The following ZFP14 variants were observed in gnomAD, a reference collection of about 807,000 sequenced individuals.
ZFP14 encodes the protein zinc finger protein 14 homolog.
A neutral mutation model predicts 54.5 loss-of-function variants in ZFP14; 22 were observed. The ratio of observed to expected loss-of-function variants is 0.40; its 90% CI spans 0.29 to 0.58. The LOEUF (loss-of-function observed/expected upper bound fraction) is 0.58. Ranked by LOEUF, ZFP14 falls within the 20% of genes least tolerant of loss-of-function variation. ZFP14 has a pLI of 0.39. For missense variants in ZFP14, 470 were observed against 637.8 expected (o/e 0.74, Z 2.83); for synonymous variants, 159 against 204.0 (o/e 0.78, Z 1.88).
rs142828298 is a variant in ZFP14, at chr19:36,369,753, G to A, written c.-79-1782C>T. ...TTCAACTCAGGTATTTGTCTCTGAA[G>A]CAAGGATTTCTACTTCACCAGGAGA... On this transcript the variant is annotated intron_variant, in intron 1 of 4. Coordinates refer to ENST00000270001, the MANE Select transcript of ZFP14 (RefSeq NM_020917.3). 5.3e-5 allele frequency among the ~76,000 whole-genome samples: 8 copies of A among 152,192 alleles called. No homozygotes were observed. In the East Asian group the frequency reaches 1.5e-3, roughly 29 times the overall value.
In ZFP14 at chr19:36,360,530, G is replaced by T; in HGVS notation, c.140C>A (p.Pro47His). 1 of 1,608,912 alleles carries T rather than the reference G, an allele frequency of 6.2e-7. No individual in the cohort carries two copies. Among genetic ancestry groups the T allele is most frequent in the Non-Finnish European group, 8.5e-7 (1 of 1,178,058 alleles). Residue 47 changes from proline to histidine, a missense_variant, in exon 4 of 5, where the codon CCT becomes CAT. By Grantham distance (77) the Pro-to-His change is moderately conservative (BLOSUM62 -2). Coordinates refer to ENST00000270001, the MANE Select transcript of ZFP14 (RefSeq NM_020917.3). ...ENYSNFISLG[P>H]SISKPDVITL... Reference sequence around the variant, plus strand: ...AATCACATCTGGTTTAGAAATGGAAGGTCCTGCTTAAAAGAAAAATGTGAC... The same window carrying T: ...AATCACATCTGGTTTAGAAATGGAATGTCCTGCTTAAAAGAAAAATGTGAC...
chr19:36,367,663 C>T (rs2031815126), intron 2 of ZFP14, among the ~76,000 whole-genome samples: 1 of 152,080 alleles, frequency 6.6e-6, no homozygotes, highest in African/African-American at 2.4e-5. Flanking sequence ...AGGGTTTCAC[C>T]ATGTTGGCCA....
intron 1 of ZFP14, among the ~76,000 whole-genome samples, chr19:36,377,444 G>A (rs1271570852): frequency 2.0e-5 from 3 of 151,904 alleles, no homozygotes; most frequent in African/African-American, 4.8e-5. Flanking sequence ...CTACTCAAGA[G>A]GCTGAGGTGG....
chr19:36,359,176 T>TA (rs1252292972), intron 4 of ZFP14, among the ~76,000 whole-genome samples: 1 of 152,182 alleles, frequency 6.6e-6, no homozygotes, highest in Non-Finnish European at 1.5e-5. Context: ...ACAATGATCA[T>TA]ACGGTCTTTC....
chr19:36,335,126 G>A lies in ZFP14; in HGVS notation c.*5098C>T, dbSNP rs1442923679. ...TGACCTCAAGTGATCTGCTCGCCTT[G>A]GCCTCCCAAAATGTTGGGATTACAG... On this transcript the variant is annotated 3_prime_UTR_variant, in exon 5 of 5. Transcript: ENST00000270001. 6.6e-6 allele frequency: 1 copy of A among 152,192 alleles called. No individual in the cohort carries two copies. Among genetic ancestry groups the A allele is most frequent in the African/African-American group, 2.4e-5 (1 of 41,438 alleles). The allele number at this position is 152,192 out of a possible 1,614,324, so 9.4% of individuals were successfully genotyped here.
chr19:36,343,755 C>T (rs2031364824), intron 4 of ZFP14, among the ~76,000 whole-genome samples: 2 of 152,162 alleles, frequency 1.3e-5, no homozygotes, highest in South Asian at 4.1e-4. Context: ...CTGGTGACAA[C>T]CCTGCAGAGT....
At chr19:36,356,345 A>AT in intron 4 of ZFP14, among the ~76,000 whole-genome samples, 1 of 151,944 alleles carries the variant, frequency 6.6e-6, no homozygotes, top group Middle Eastern at 3.4e-3. Context: ...GGAGAATCGC[A>AT]TAAACCTGGG....
chr19:36,367,546 T>C (rs1407392970), intron 2 of ZFP14, among the ~76,000 whole-genome samples: 1 of 152,048 alleles, frequency 6.6e-6, no homozygotes, highest in Non-Finnish European at 1.5e-5. Flanking sequence ...AGTAACGCAA[T>C]CTCGGCTCAC....
chr19:36,361,858 G>A (rs994608254), intron 3 of ZFP14, among the ~76,000 whole-genome samples: 1 of 152,096 alleles, frequency 6.6e-6, no homozygotes, highest in Non-Finnish European at 1.5e-5. Flanking sequence ...GTGAAGTCTG[G>A]TTTCTTGAAC....
intron 4 of ZFP14, among the ~76,000 whole-genome samples, chr19:36,356,801 G>A (rs1401825011): frequency 6.6e-6 from 1 of 152,124 alleles, no homozygotes; most frequent in Admixed American, 6.6e-5. Context: ...GTTGTTGCAT[G>A]TATCAAGAGT....
intron 4 of ZFP14, among the ~76,000 whole-genome samples, chr19:36,347,600 C>T (rs2031441024): frequency 7.1e-6 from 1 of 140,124 alleles, no homozygotes; most frequent in Non-Finnish European, 1.5e-5. Flanking sequence ...CAGAGTGAGG[C>T]TCCATCTCAA....
intron 4 of ZFP14, among the ~76,000 whole-genome samples, chr19:36,356,170 C>T (rs1221262944): frequency 2.0e-5 from 2 of 100,544 alleles, no homozygotes; most frequent in Non-Finnish European, 4.6e-5. Flanking sequence ...CGCAGTAGCT[C>T]ATGCCTCTAA....
intron 4 of ZFP14, among the ~76,000 whole-genome samples, chr19:36,347,208 A>C (rs1185520518): frequency 6.6e-6 from 1 of 152,230 alleles, no homozygotes; most frequent in Non-Finnish European, 1.5e-5. Flanking sequence ...GTGAAGTTGT[A>C]GAAATAATAT....
At position 36,379,200 on chromosome 19, in the gene ZFP14, C is replaced by T. The variant is rs1346005831; in HGVS notation, c.-117G>A. On this transcript the variant is annotated 5_prime_UTR_variant, in exon 1 of 5. Coordinates refer to ENST00000270001, the MANE Select transcript of ZFP14 (RefSeq NM_020917.3). ...ACACCAGCAGCGAAGCCGGAAAGAA[C>T]TGCGAGCGGAGGCCTGTGGGAAATG... is the stretch of plus-strand genomic sequence containing the variant. The T allele has an allele frequency of 6.6e-6, 1 of 152,364 alleles. No homozygotes were observed. The highest frequency in any genetic ancestry group is 1.5e-5 in the Non-Finnish European group (1 of 68,202). The allele number at this position is 152,364 out of a possible 1,614,324, so 9.4% of individuals were successfully genotyped here.
chr19:36,373,038 G>C (rs1175886955), intron 1 of ZFP14, among the ~76,000 whole-genome samples: 1 of 152,138 alleles, frequency 6.6e-6, no homozygotes, highest in African/African-American at 2.4e-5. Context: ...AGCACTTTGG[G>C]AGGCCGAGGC....
Position 36,338,388 on chromosome 19 carries a change from C to G in ZFP14, c.*1836G>C, listed in dbSNP as rs182464362. Reference sequence around the variant, plus strand: ...AATTTTTCCTCTGATTTATTGATTTCAAGAATAATGAGTTGGGCTGGGTGT... The same window carrying G: ...AATTTTTCCTCTGATTTATTGATTTGAAGAATAATGAGTTGGGCTGGGTGT... On this transcript the variant is annotated 3_prime_UTR_variant, in exon 5 of 5. Coordinates refer to ENST00000270001, the MANE Select transcript of ZFP14 (RefSeq NM_020917.3). 4.0e-4 allele frequency: 61 copies of G among 152,070 alleles called. No homozygotes were observed. The highest frequency in any genetic ancestry group is 1.4e-3 in the African/African-American group (57 of 41,492). 9.4% of individuals were successfully genotyped at this position (152,070 alleles called of 1,614,324 possible). A position where few individuals can be genotyped will look rare whatever the true frequency, so the allele number is the denominator to read the frequency against.
intron 4 of ZFP14, among the ~76,000 whole-genome samples, chr19:36,354,286 G>A (rs1159991148): frequency 1.5e-5 from 2 of 135,478 alleles, no homozygotes; most frequent in South Asian, 2.4e-4. Context: ...CAGGAGTATC[G>A]CCTGAACCTG....
At chr19:36,346,328 CA>C (rs909452298) in intron 4 of ZFP14, among the ~76,000 whole-genome samples, 1 of 151,708 alleles carries the variant, frequency 6.6e-6, no homozygotes, top group African/African-American at 2.4e-5. Flanking sequence ...AAAAACAAAA[CA>C]AAAAAACAAA....
chr19:36,366,964 T>G (rs2145559918), intron 2 of ZFP14, among the ~76,000 whole-genome samples: 1 of 152,134 alleles, frequency 6.6e-6, no homozygotes, highest in East Asian at 1.9e-4. Context: ...GACAATCCTG[T>G]CCAACATGGT....
Sources: gnomAD v4.1 joint callset for allele counts (sites outside exome capture counted in the v4.1 genomes callset) on GRCh38, gnomAD v4.1.1 for gene constraint, MANE v1.5 for transcripts, NCBI Gene and HGNC (gene_info 2026-07-23, HGNC 2026-07-21) for gene names.